EDEM3: variants seen among roughly 807,000 people sequenced by gnomAD.
EDEM3 encodes ER degradation-enhancing alpha-mannosidase-like protein 3.
A neutral mutation model predicts 110.2 loss-of-function variants in EDEM3; 60 were observed. The ratio of observed to expected loss-of-function variants is 0.54; its 90% confidence interval spans 0.44 to 0.67. EDEM3 has a LOEUF of 0.67. EDEM3 is among the 30% of genes least tolerant of loss of function. EDEM3 has a pLI of 0.00. For synonymous variants in EDEM3, 352 were observed against 382.9 expected (o/e 0.92, Z 0.94); for missense variants, 996 against 1,121.0 (o/e 0.89, Z 1.59).
intron 2 of EDEM3, among the ~76,000 whole-genome samples, chr1:184,741,989 CAT>C (rs559172032): frequency 1.4e-3 from 216 of 152,090 alleles, no homozygotes; most frequent in South Asian, 5.2e-3. Context: ...TGTGAATGTC[CAT>C]ATGATTCTTA....
intron 8 of EDEM3, among the ~76,000 whole-genome samples, 187 bp from the exon 9 acceptor site, chr1:184,721,573 T>C (rs953940806): frequency 1.3e-5 from 2 of 152,084 alleles, no homozygotes; most frequent in Non-Finnish European, 2.9e-5. Flanking sequence ...GTTCATAGTT[T>C]AATTAGCTCT....
Position 184,694,342 on chromosome 1 carries a change from T to C in EDEM3, c.2520A>G (p.Leu840=), listed in dbSNP as rs759658267. 1 of 1,612,948 alleles carries C rather than the reference T, an allele frequency of 6.2e-7. No homozygotes were observed. The highest frequency in any genetic ancestry group is 8.5e-7 in the Non-Finnish European group (1 of 1,179,546). The stretch of plus-strand genomic sequence containing the variant: ...GAGATAATGATTCTGGGTGAGAATT[T>C]AGAGAATTTTCCTCAGAAGACTCTT... The part of the protein sequence containing the change: ...VDQESSEENS[L]NSHPESLSLA... Residue 840 remains leucine, a synonymous_variant, in exon 20 of 20, where the codon CTA becomes CTG. Transcript: ENST00000318130.
rs1338409619 is a variant in EDEM3 at position 184,693,245 on chromosome 1, G to A, written c.*818C>T. ...ATATAATGCTAGGTTCCATTTCAGA[G>A]TAGTCACAGCTTTCCCTATGGAAGG... On this transcript the variant is annotated 3_prime_UTR_variant, in exon 20 of 20. Transcript: ENST00000318130. 1 of 154,836 alleles carries A rather than the reference G, an allele frequency of 6.5e-6. No homozygotes were observed. Among genetic ancestry groups the A allele is most frequent in the Non-Finnish European group, 1.5e-5 (1 of 68,210 alleles). The allele number at this position is 154,836 out of a possible 1,614,324, so 9.6% of individuals were successfully genotyped here.
At chr1:184,745,248 T>G (rs1273411849) in intron 2 of EDEM3, among the ~76,000 whole-genome samples, 2 of 152,076 alleles carry the variant, frequency 1.3e-5, no homozygotes, top group Non-Finnish European at 2.9e-5. Context: ...GTAATTTTGG[T>G]AGGGTTTTAG....
intron 2 of EDEM3, among the ~76,000 whole-genome samples, chr1:184,744,249 A>AATAAAT (rs1652295538): frequency 1.1e-5 from 1 of 87,594 alleles, no homozygotes. Flanking sequence ...ACAAATGACA[A>AATAAAT]ATATATATAT....
intron 8 of EDEM3, 69 bp from the exon 9 acceptor site, chr1:184,721,455 C>G: frequency 8.6e-7 from 1 of 1,160,254 alleles, no homozygotes; most frequent in South Asian, 1.5e-5. Context: ...AAAAAAATAG[C>G]ACTCCTTAGA....
At chr1:184,735,434 C>T (rs1038270474) in intron 4 of EDEM3, among the ~76,000 whole-genome samples, 18 of 152,164 alleles carry the variant, frequency 1.2e-4, no homozygotes, top group African/African-American at 3.9e-4. Flanking sequence ...TAGTCCCTGT[C>T]ATCACACAGG....
chr1:184,743,894 T>C (rs1475180963), intron 2 of EDEM3, among the ~76,000 whole-genome samples: 1 of 151,944 alleles, frequency 6.6e-6, no homozygotes, highest in African/African-American at 2.4e-5. Context: ...TAAAAAAATA[T>C]ATAAATCCAC....
intron 17 of EDEM3, among the ~76,000 whole-genome samples, chr1:184,707,908 G>A (rs1308580733): frequency 1.3e-5 from 2 of 152,144 alleles, no homozygotes; most frequent in Admixed American, 6.5e-5. Flanking sequence ...TTAAATTAGA[G>A]AAGAGACCAA....
At position 184,691,819 on chromosome 1, in the gene EDEM3, A is replaced by G. The variant is rs1455761155; in HGVS notation, c.*2244T>C. On this transcript the variant is annotated 3_prime_UTR_variant, in exon 20 of 20. Transcript: ENST00000318130. ...TTCTGGGTATTAAGAAAAATTGGTT[A>G]AATTTTTTCCTTTTCTTTTTTTAAG... 2 of 152,096 alleles carry G rather than the reference A, an allele frequency of 1.3e-5. No individual in the cohort carries two copies. Among genetic ancestry groups the G allele is most frequent in the Non-Finnish European group, 2.9e-5 (2 of 67,994 alleles). The allele number at this position is 152,096 out of a possible 1,614,324, so 9.4% of individuals were successfully genotyped here.
intron 19 of EDEM3, among the ~76,000 whole-genome samples, chr1:184,701,134 C>T (rs1649597602): frequency 6.6e-6 from 1 of 151,974 alleles, no homozygotes; most frequent in Non-Finnish European, 1.5e-5. Flanking sequence ...ATCCTGTAGT[C>T]CTAACCCATG....
At chr1:184,753,791 T>C (rs1168635972) in intron 1 of EDEM3, among the ~76,000 whole-genome samples, 1 of 152,204 alleles carries the variant, frequency 6.6e-6, no homozygotes, top group Admixed American at 6.5e-5. Flanking sequence ...CTTTCTCCCA[T>C]TTCCTACTGG....
intron 1 of EDEM3, 63 bp from the exon 2 acceptor site, chr1:184,749,655 A>T (rs527516911): frequency 7.6e-7 from 1 of 1,323,740 alleles, no homozygotes; most frequent in Admixed American, 2.9e-5. Context: ...TCTATTTATT[A>T]TCTTTCAAAA....
intron 6 of EDEM3, 86 bp from the exon 7 acceptor site, chr1:184,726,475 T>A (rs1301991092): frequency 1.4e-5 from 20 of 1,396,032 alleles, no homozygotes; most frequent in Admixed American, 2.2e-5. Flanking sequence ...AGTCTTTGTA[T>A]AAAATCATGA....
At chr1:184,735,286 A>C (rs1032413137) in intron 4 of EDEM3, among the ~76,000 whole-genome samples, 1 of 152,196 alleles carries the variant, frequency 6.6e-6, no homozygotes, top group Non-Finnish European at 1.5e-5. Flanking sequence ...TGTTTTCTTA[A>C]ATAAGATAAT....
intron 19 of EDEM3, chr1:184,701,463 T>C: frequency 1.6e-6 from 2 of 1,230,558 alleles, no homozygotes; most frequent in Non-Finnish European, 2.1e-6. Context: ...TATATACGTA[T>C]ATAATTTAAG....
At chr1:184,749,201 C>T (rs940046638) in intron 2 of EDEM3, among the ~76,000 whole-genome samples, 3 of 152,106 alleles carry the variant, frequency 2.0e-5, no homozygotes, top group Non-Finnish European at 4.4e-5. Flanking sequence ...ATATTGTAAA[C>T]ATTTTTTTAA....
At position 184,717,622 on chromosome 1, in the gene EDEM3, G is replaced by C. The variant is rs770122236; in HGVS notation, c.1163C>G (p.Ala388Gly). Residue 388 changes from alanine (A) to glycine (G), a missense_variant and splice_region_variant, in exon 12 of 20, where the codon GCA becomes GGA. This residue lies in a region of EDEM3 where 310 missense variants were observed against 394.6 expected (regional missense o/e 0.79). Transcript: ENST00000318130. ...GTGTACTCTGAAATCTGTGGTAAATGCCTGAACAAAACAACATACAAAAGG... is the reference window on the plus strand; with the variant it reads ...GTGTACTCTGAAATCTGTGGTAAATCCCTGAACAAAACAACATACAAAAGG... ...VIKKHNFLPE[A>G]FTTDFRVHWA... is the part of the protein sequence containing the mutation. The C allele has an allele frequency of 5.6e-6, 9 of 1,595,904 alleles. No individual in the cohort carries two copies. The Admixed American group carries it at 1.6e-4, about 28-fold the overall frequency.
At chr1:184,703,124 T>A (rs912089505) in intron 18 of EDEM3, 128 bp from the exon 19 acceptor site, 3 of 775,342 alleles carry the variant, frequency 3.9e-6, no homozygotes, top group Non-Finnish European at 5.6e-6. Context: ...AAAACCAACA[T>A]AATTTTTGGA....
Sources: allele counts gnomAD v4.1 joint callset (sites outside exome capture counted in the v4.1 genomes callset), GRCh38; gene constraint gnomAD v4.1.1; regional missense constraint gnomAD v4.1.1; transcripts MANE v1.5; gene names NCBI Gene and HGNC (gene_info 2026-07-23, HGNC 2026-07-21).